The following KATNA1 variants were observed in gnomAD, a reference collection of about 807,000 sequenced individuals.
KATNA1 encodes the protein katanin p60 ATPase-containing subunit A1.
A neutral mutation model predicts 62.6 loss-of-function variants in KATNA1; 42 were observed. The ratio of observed to expected loss-of-function variants is 0.67; its 90% CI spans 0.52 to 0.87. The LOEUF (loss-of-function observed/expected upper bound fraction) is 0.87, where lower values mean the gene tolerates loss of function less well. KATNA1 is among the 40% of genes least tolerant of loss of function. The pLI is 0.00. For synonymous variants in KATNA1, 186 were observed against 201.9 expected (o/e 0.92, Z 0.67); for missense variants, 498 against 612.5 (o/e 0.81, Z 1.97).
At chr6:149,632,650 A>C (rs1432905156) in intron 3 of KATNA1, 109 bp downstream of exon 3, 5 of 886,554 alleles carry the variant, frequency 5.6e-6, no homozygotes, top group African/African-American at 5.1e-5. Flanking sequence ...CGTTCAGTAA[A>C]GAAAACTCCC....
chr6:149,621,142 G>A (rs1211962941), intron 4 of KATNA1, among the ~76,000 whole-genome samples: 1 of 66,128 alleles, frequency 1.5e-5, no homozygotes, highest in East Asian at 4.4e-4. Context: ...TTTTTTTTTT[G>A]AGATGGAGTC....
intron 7 of KATNA1, 111 bp from the exon 8 acceptor site, chr6:149,598,461 A>C: frequency 9.6e-7 from 1 of 1,047,044 alleles, no homozygotes. Flanking sequence ...ACAGTGGCTC[A>C]CACCTGTAAT....
intron 3 of KATNA1, among the ~76,000 whole-genome samples, chr6:149,631,203 G>T (rs1779820110): frequency 6.6e-6 from 1 of 152,084 alleles, no homozygotes; most frequent in Admixed American, 6.6e-5. Context: ...TTCGAGACCA[G>T]TCTGGCCAAC....
chr6:149,605,876 C>T (rs1320797663), intron 4 of KATNA1, among the ~76,000 whole-genome samples: 2 of 152,102 alleles, frequency 1.3e-5, no homozygotes, highest in Admixed American at 1.3e-4. Context: ...TCAAGCAATT[C>T]TCCTGTCTCA....
At chr6:149,599,129 T>G (rs1268898993) in intron 7 of KATNA1, among the ~76,000 whole-genome samples, 5 of 152,036 alleles carry the variant, frequency 3.3e-5, no homozygotes, top group Admixed American at 3.3e-4. Context: ...CCTCCCAAAA[T>G]GCTAGGATTA....
In KATNA1 at chr6:149,604,716, C is replaced by T; in HGVS notation, c.568G>A (p.Asp190Asn). 6.2e-7 allele frequency: 1 copy of T among 1,612,616 alleles called. No homozygotes were observed. Among genetic ancestry groups the T allele is most frequent in the Non-Finnish European group, 8.5e-7 (1 of 1,178,618 alleles). ...TCTCTTTCCAAAGCTTCTACTAAGTCTTTATCATATCCGGTACTATCAAAT... is the reference window on the plus strand; with the variant it reads ...TCTCTTTCCAAAGCTTCTACTAAGTTTTTATCATATCCGGTACTATCAAAT... ...NKFDSTGYDK[D>N]LVEALERDII... is the part of the protein sequence containing the mutation. The change falls in exon 5 of 11, where the codon GAC (aspartate) becomes AAC (asparagine). Residue 190 changes from aspartate to asparagine, a missense_variant. Coordinates refer to ENST00000367411, the MANE Select transcript of KATNA1 (RefSeq NM_007044.4).
chr6:149,606,321 G>C (rs1235545505), intron 4 of KATNA1, among the ~76,000 whole-genome samples: 1 of 152,086 alleles, frequency 6.6e-6, no homozygotes, highest in East Asian at 1.9e-4. Context: ...AAATTACTAA[G>C]ATACTTATGA....
At chr6:149,609,849 C>T (rs528634627) in intron 4 of KATNA1, among the ~76,000 whole-genome samples, 110 of 144,258 alleles carry the variant, frequency 7.6e-4, no homozygotes, top group Non-Finnish European at 1.4e-3. Flanking sequence ...GTCTGTAATC[C>T]CAGCACTTTG....
intron 10 of KATNA1, among the ~76,000 whole-genome samples, chr6:149,596,703 A>G (rs1778329020): frequency 6.6e-6 from 1 of 151,996 alleles, no homozygotes; most frequent in Admixed American, 6.6e-5. Context: ...CTTCCTGAGC[A>G]GGTGGGAACC....
chr6:149,596,722 C>T (rs1387117199), intron 10 of KATNA1, among the ~76,000 whole-genome samples: 3 of 152,018 alleles, frequency 2.0e-5, no homozygotes, highest in East Asian at 1.9e-4. Context: ...CCACCATGCC[C>T]GGCTAATTTT....
At chr6:149,603,447 G>A in intron 5 of KATNA1, 74 bp from the exon 6 acceptor site, 1 of 678,966 alleles carries the variant, frequency 1.5e-6, no homozygotes, top group South Asian at 1.9e-5. Flanking sequence ...AGAACCACTG[G>A]AAGCACATGA....
intron 1 of KATNA1, among the ~76,000 whole-genome samples, chr6:149,641,315 T>A (rs994926401): frequency 6.6e-6 from 1 of 151,836 alleles, no homozygotes; most frequent in Non-Finnish European, 1.5e-5. Flanking sequence ...TAGCTGGGAC[T>A]ACAGGCGCCC....
At chr6:149,604,620 G>T in intron 5 of KATNA1, 41 bp downstream of exon 5, 1 of 1,607,612 alleles carries the variant, frequency 6.2e-7, no homozygotes, top group Non-Finnish European at 8.5e-7. Context: ...ATTCCGAATA[G>T]CATCACCAGC....
chr6:149,613,299 G>A (rs1176972466), intron 4 of KATNA1, among the ~76,000 whole-genome samples: 1 of 147,462 alleles, frequency 6.8e-6, no homozygotes, highest in Non-Finnish European at 1.5e-5. Context: ...CCTAAAATCA[G>A]GAACAGGAAC....
At chr6:149,617,584 G>A (rs993638442) in intron 4 of KATNA1, among the ~76,000 whole-genome samples, 4 of 150,004 alleles carry the variant, frequency 2.7e-5, no homozygotes, top group South Asian at 2.1e-4. Context: ...GGCGGATCAC[G>A]AGGTCAAGAG....
rs1418156313 is a variant in KATNA1, at chr6:149,601,646, G to T, written c.836C>A (p.Thr279Asn). 2 of 1,612,590 alleles carry T rather than the reference G, an allele frequency of 1.2e-6. No individual in the cohort carries two copies. The highest frequency in any genetic ancestry group is 1.7e-6 in the Non-Finnish European group (2 of 1,179,620). Reference protein sequence around the residue: ...TFFNVSSSTLTSKYRGESEKL... With the variant: ...TFFNVSSSTLNSKYRGESEKL... Reference sequence around the variant, plus strand: ...CTCAGATTCTCCTCTGTATTTGGAAGTCAAAGTTGATGAAGAGACATTGAA... The same window carrying T: ...CTCAGATTCTCCTCTGTATTTGGAATTCAAAGTTGATGAAGAGACATTGAA... The change falls in exon 7 of 11, where the codon ACT (threonine) becomes AAT (asparagine). Residue 279 changes from threonine (T) to asparagine (N), a missense_variant. By Grantham distance (65) the Thr-to-Asn change is moderately conservative. Around this residue, in one of 3 missense-constraint regions of KATNA1, gnomAD observed 267 missense variants for 372.6 expected, o/e 0.72. Transcript: ENST00000367411.
At position 149,623,124 on chromosome 6, in the gene KATNA1, C is replaced by G; in HGVS notation, c.480G>C (p.Gln160His). ...KAVRCREKKEQNKGREEKNKS... is the reference protein window; with the variant it reads ...KAVRCREKKEHNKGREEKNKS... Reference sequence around the variant, plus strand: ...TTACCTTTTCCTCTCTTCCTTTATTCTGTTCTTTCTTTTCACGACAACGAA... The same window carrying G: ...TTACCTTTTCCTCTCTTCCTTTATTGTGTTCTTTCTTTTCACGACAACGAA... Residue 160 changes from glutamine to histidine, a missense_variant, in exon 4 of 11, where the codon CAG becomes CAC. This residue lies in a region of KATNA1 where 203 missense variants were observed against 198.4 expected (regional missense o/e 1.02). Coordinates refer to ENST00000367411, the MANE Select transcript of KATNA1 (RefSeq NM_007044.4). 6.2e-7 allele frequency: 1 copy of G among 1,601,050 alleles called. No homozygotes were observed. The highest frequency in any genetic ancestry group is 8.5e-7 in the Non-Finnish European group (1 of 1,176,218).
chr6:149,633,015 T>C, intron 2 of KATNA1, 99 bp from the exon 3 acceptor site: 1 of 819,506 alleles, frequency 1.2e-6, no homozygotes, highest in Non-Finnish European at 1.9e-6. Flanking sequence ...AAACTCCATT[T>C]TGATATCAGA....
chr6:149,617,969 A>AATAAATAAATAAATAAATAAATAT (rs1562289815), intron 4 of KATNA1, among the ~76,000 whole-genome samples: 8 of 123,012 alleles, frequency 6.5e-5, no homozygotes, highest in African/African-American at 2.2e-4. Flanking sequence ...TAAATAAATA[A>AATAAATAAATAAATAAATAAATAT]TAAAATAAAT....
Sources: gnomAD v4.1 joint callset for allele counts (sites outside exome capture counted in the v4.1 genomes callset) on GRCh38, gnomAD v4.1.1 for gene constraint, gnomAD v4.1.1 regional missense constraint, MANE v1.5 for transcripts, NCBI Gene and HGNC (gene_info 2026-07-23, HGNC 2026-07-21) for gene names.